The following HNF4G variants were observed in gnomAD, a reference collection of about 807,000 sequenced individuals.
HNF4G encodes the protein hepatocyte nuclear factor 4 gamma, also known as hepatocyte nuclear factor 4-gamma.
HNF4G carries 21 observed loss-of-function variants against 50.9 expected under a neutral mutation model. That is an observed-to-expected ratio of 0.41 (90% confidence interval 0.29 to 0.59). HNF4G has a LOEUF of 0.59. Among genes scored for constraint, HNF4G ranks in the 20% least tolerant of loss-of-function variants. HNF4G has a pLI of 0.26. For synonymous variants in HNF4G, 198 were observed against 185.6 expected (o/e 1.07, Z -0.54); for missense variants, 527 against 559.4 (o/e 0.94, Z 0.58).
At chr8:75,533,303 T>C (rs1265786227) in intron 2 of HNF4G, among the ~76,000 whole-genome samples, 1 of 152,018 alleles carries the variant, frequency 6.6e-6, no homozygotes, top group Non-Finnish European at 1.5e-5. Context: ...TGCTGCACAT[T>C]GGAATCACCT....
At chr8:75,422,550 TA>T (rs1232918425) in intron 1 of HNF4G, among the ~76,000 whole-genome samples, 2 of 152,334 alleles carry the variant, frequency 1.3e-5, no homozygotes, top group Middle Eastern at 6.8e-3. Flanking sequence ...TAAGTTTTTT[TA>T]AATAAAGGCT....
chr8:75,505,133 C>T (rs1432331212), intron 2 of HNF4G, among the ~76,000 whole-genome samples: 6 of 152,246 alleles, frequency 3.9e-5, no homozygotes, highest in African/African-American at 1.4e-4. Context: ...TCCATGCCAA[C>T]CTTTTCTGAA....
chr8:75,479,536 T>A (rs1401828099), intron 1 of HNF4G, among the ~76,000 whole-genome samples: 1 of 151,408 alleles, frequency 6.6e-6, no homozygotes, highest in Non-Finnish European at 1.5e-5. Context: ...GAAATTAATA[T>A]CAGGGCTATA....
At chr8:75,475,589 A>G (rs1337170326) in intron 1 of HNF4G, among the ~76,000 whole-genome samples, 5 of 152,214 alleles carry the variant, frequency 3.3e-5, no homozygotes, top group Non-Finnish European at 7.3e-5. Flanking sequence ...TTTAAGTCTC[A>G]GAGCTAAATA....
intron 1 of HNF4G, among the ~76,000 whole-genome samples, chr8:75,542,543 A>C (rs1806656132): frequency 6.6e-6 from 1 of 151,644 alleles, no homozygotes; most frequent in South Asian, 2.1e-4. Context: ...ACGAAAAAAA[A>C]AAAAAAAAAA....
intron 2 of HNF4G, among the ~76,000 whole-genome samples, chr8:75,520,882 A>G (rs1025961130): frequency 2.6e-5 from 4 of 152,044 alleles, no homozygotes; most frequent in African/African-American, 9.7e-5. Flanking sequence ...GCTTACTTTC[A>G]CAAGTAACCT....
chr8:75,540,228 C>T, intron 1 of HNF4G, 148 bp downstream of exon 1: 1 of 541,190 alleles, frequency 1.8e-6, no homozygotes, highest in East Asian at 3.1e-5. Flanking sequence ...AGCTTTTGCA[C>T]TTCATTACAA....
chr8:75,532,867 G>A (rs1473951), intron 2 of HNF4G, among the ~76,000 whole-genome samples: 105,380 of 151,918 alleles, frequency 0.69, 38,436 homozygotes, highest in African/African-American at 0.92. Flanking sequence ...GTCTAAATGT[G>A]TAGGATAATA....
intron 1 of HNF4G, among the ~76,000 whole-genome samples, chr8:75,449,291 C>G (rs1192290925): frequency 6.6e-6 from 1 of 152,058 alleles, no homozygotes; most frequent in African/African-American, 2.4e-5. Flanking sequence ...GTTGCAGTTA[C>G]TCTATTCTGC....
intron 2 of HNF4G, among the ~76,000 whole-genome samples, chr8:75,496,983 G>T (rs1335608759): frequency 6.6e-6 from 1 of 152,054 alleles, no homozygotes; most frequent in Non-Finnish European, 1.5e-5. Context: ...TTGCAGAAAA[G>T]ATATTTCCTC....
intron 1 of HNF4G, among the ~76,000 whole-genome samples, chr8:75,433,436 A>G (rs1452468215): frequency 6.6e-6 from 1 of 151,654 alleles, no homozygotes; most frequent in African/African-American, 2.4e-5. Flanking sequence ...AAAAAGAAAG[A>G]AACTTTAAGA....
At chr8:75,480,201 G>A (rs1812343318) in intron 1 of HNF4G, among the ~76,000 whole-genome samples, 1 of 152,082 alleles carries the variant, frequency 6.6e-6, no homozygotes, top group South Asian at 2.1e-4. Context: ...AAGATTAACT[G>A]GAAAGTACAT....
At chr8:75,436,913 G>A (rs1311529852) in intron 1 of HNF4G, among the ~76,000 whole-genome samples, 1 of 152,152 alleles carries the variant, frequency 6.6e-6, no homozygotes, top group Non-Finnish European at 1.5e-5. Flanking sequence ...ACATGGTGGT[G>A]CATGCCTGTA....
intron 1 of HNF4G, among the ~76,000 whole-genome samples, chr8:75,409,783 G>A (rs930403962): frequency 3.2e-4 from 48 of 151,760 alleles, no homozygotes; most frequent in Admixed American, 9.2e-4. Context: ...CACCCCACCC[G>A]GCCTGTTTTT....
chr8:75,529,018 G>A (rs577570279), intron 2 of HNF4G, among the ~76,000 whole-genome samples: 6 of 152,224 alleles, frequency 3.9e-5, no homozygotes, highest in Admixed American at 3.9e-4. Context: ...CGGGCGCGGT[G>A]GCTAACGCCT....
intron 1 of HNF4G, among the ~76,000 whole-genome samples, chr8:75,455,332 T>C (rs1045517679): frequency 1.1e-4 from 17 of 152,180 alleles, no homozygotes; most frequent in Non-Finnish European, 2.4e-4. Flanking sequence ...TCTAGAAAGA[T>C]TGTATTTGTT....
intron 1 of HNF4G, among the ~76,000 whole-genome samples, chr8:75,424,682 C>T (rs1041131407): frequency 6.6e-6 from 1 of 152,134 alleles, no homozygotes; most frequent in African/African-American, 2.4e-5. Flanking sequence ...GGATAATGGC[C>T]TCCAGTTGCA....
At chr8:75,501,257 T>C (rs1040194082) in intron 2 of HNF4G, among the ~76,000 whole-genome samples, 1 of 151,940 alleles carries the variant, frequency 6.6e-6, no homozygotes, top group African/African-American at 2.4e-5. Context: ...CTGGGCAAGA[T>C]AGGGAGATCG....
intron 1 of HNF4G, among the ~76,000 whole-genome samples, chr8:75,476,409 C>T (rs570931611): frequency 2.3e-4 from 35 of 152,100 alleles, no homozygotes; most frequent in Non-Finnish European, 4.6e-4. Flanking sequence ...AAGAGTGCAC[C>T]ACCAATAGGG....
Sources: gnomAD v4.1 joint callset for allele counts (sites outside exome capture counted in the v4.1 genomes callset) on GRCh38, gnomAD v4.1.1 for gene constraint, MANE v1.5 for transcripts, NCBI Gene and HGNC (gene_info 2026-07-23, HGNC 2026-07-21) for gene names.